Variants in SLC4A4 observed in about 807,000 individuals in gnomAD.
SLC4A4 encodes electrogenic sodium bicarbonate cotransporter 1.
SLC4A4 carries 27 observed loss-of-function variants against 111.5 expected under a neutral mutation model. The observed-to-expected ratio is 0.24, with a 90% confidence interval of 0.18 to 0.33. The LOEUF is 0.33. Among genes scored for constraint, SLC4A4 ranks in the 10% least tolerant of loss-of-function variants. SLC4A4 has a pLI of 1.00. For missense variants in SLC4A4, 909 were observed against 1,315.5 expected (o/e 0.69, Z 4.78); for synonymous variants, 443 against 463.4 (o/e 0.96, Z 0.57).
chr4:71,073,465 C>T (rs1578452585), intron 1 of SLC4A4, among the ~76,000 whole-genome samples: 2 of 152,100 alleles, frequency 1.3e-5, no homozygotes, highest in Admixed American at 6.5e-5. Flanking sequence ...GCAAGGGTGC[C>T]TCATATGTTT....
chr4:71,155,591 T>C (rs1744435395), intron 2 of SLC4A4, among the ~76,000 whole-genome samples: 1 of 152,092 alleles, frequency 6.6e-6, no homozygotes, highest in African/African-American at 2.4e-5. Context: ...GCTTCCTGAG[T>C]AGCTGGGACT....
chr4:71,348,563 G>A (rs541587547), intron 4 of SLC4A4, among the ~76,000 whole-genome samples: 37 of 152,258 alleles, frequency 2.4e-4, no homozygotes, highest in Non-Finnish European at 4.7e-4. Context: ...TTGATACAAG[G>A]TTACCACTAA....
chr4:71,239,709 A>C (rs758526945), intron 2 of SLC4A4, among the ~76,000 whole-genome samples: 4 of 152,172 alleles, frequency 2.6e-5, no homozygotes, highest in Non-Finnish European at 5.9e-5. Context: ...AATTTTCTTC[A>C]TGTGTTAATG....
At chr4:71,456,830 G>A (rs1726316536) in intron 12 of SLC4A4, among the ~76,000 whole-genome samples, 1 of 152,120 alleles carries the variant, frequency 6.6e-6, no homozygotes, top group African/African-American at 2.4e-5. Context: ...AAGTCCTCTG[G>A]CTTCACTTGC....
intron 8 of SLC4A4, among the ~76,000 whole-genome samples, chr4:71,443,974 T>A (rs1725002252): frequency 6.6e-6 from 1 of 152,188 alleles, no homozygotes; most frequent in African/African-American, 2.4e-5. Flanking sequence ...GGGTTTGTGG[T>A]CCTCATGAAT....
At chr4:71,391,723 A>C (rs567645543) in intron 6 of SLC4A4, among the ~76,000 whole-genome samples, 8 of 151,810 alleles carry the variant, frequency 5.3e-5, no homozygotes, top group South Asian at 2.1e-4. Context: ...TTCTGCTTTT[A>C]TTTTCTTTTT....
At chr4:71,518,401 C>G (rs1732609462) in intron 16 of SLC4A4, among the ~76,000 whole-genome samples, 1 of 152,180 alleles carries the variant, frequency 6.6e-6, no homozygotes, top group South Asian at 2.1e-4. Context: ...CTGGGCAAGC[C>G]TGGAGCCTAT....
intron 1 of SLC4A4, among the ~76,000 whole-genome samples, chr4:71,191,827 T>C (rs533953601): frequency 6.6e-6 from 1 of 152,336 alleles, no homozygotes; most frequent in South Asian, 2.1e-4. Flanking sequence ...CCAACTGATA[T>C]TTTGGAGTTT....
intron 16 of SLC4A4, among the ~76,000 whole-genome samples, chr4:71,498,345 T>C (rs1179468041): frequency 1.3e-5 from 2 of 152,168 alleles, no homozygotes; most frequent in African/African-American, 2.4e-5. Flanking sequence ...ATTTAGTTAA[T>C]GGCATTTTGG....
intron 7 of SLC4A4, among the ~76,000 whole-genome samples, chr4:71,439,199 CG>C (rs913683626): frequency 8.6e-5 from 13 of 151,472 alleles, no homozygotes; most frequent in African/African-American, 3.1e-4. Flanking sequence ...GAGGCTGAGG[CG>C]GGTGGATCCC....
intron 1 of SLC4A4, among the ~76,000 whole-genome samples, chr4:71,221,670 G>A (rs964829581): frequency 3.3e-5 from 5 of 152,152 alleles, no homozygotes; most frequent in African/African-American, 7.2e-5. Context: ...TTAGGTAGGC[G>A]AGGTTTCAAG....
At chr4:71,167,572 A>C (rs779277179) in intron 2 of SLC4A4, among the ~76,000 whole-genome samples, 62 of 152,326 alleles carry the variant, frequency 4.1e-4, no homozygotes, top group Middle Eastern at 6.8e-3. Context: ...AAGTGAGTAT[A>C]CAATCAGGAG....
chr4:71,333,779 C>T (rs1437222710), intron 3 of SLC4A4, among the ~76,000 whole-genome samples: 4 of 152,144 alleles, frequency 2.6e-5, no homozygotes, highest in African/African-American at 7.2e-5. Flanking sequence ...TTTCCTGATG[C>T]AGAAGGAGCC....
chr4:71,411,789 G>A (rs747998094), intron 7 of SLC4A4, among the ~76,000 whole-genome samples: 63 of 152,238 alleles, frequency 4.1e-4, no homozygotes, highest in Admixed American at 1.1e-3. Flanking sequence ...TATATGCTAC[G>A]TTTTATTTTC....
chr4:71,477,781 C>G (rs1269506627), intron 14 of SLC4A4, among the ~76,000 whole-genome samples: 11 of 151,770 alleles, frequency 7.2e-5, no homozygotes, highest in Admixed American at 6.6e-4. Flanking sequence ...TCCTTTTTTA[C>G]TTCTCATTCA....
chr4:71,409,209 C>T (rs1721141526), intron 7 of SLC4A4, among the ~76,000 whole-genome samples: 1 of 151,992 alleles, frequency 6.6e-6, no homozygotes, highest in African/African-American at 2.4e-5. Context: ...GAAAAAATAC[C>T]CAAAAATGTG....
rs960495197 is a variant in SLC4A4, at chr4:71,431,196, T to C, written c.808-9420T>C. Reference sequence around the variant, plus strand: ...TAAAAAGGCAACATTCTAATAAAAATGAATAAAAATGATAAGGAAAACAGT... The same window carrying C: ...TAAAAAGGCAACATTCTAATAAAAACGAATAAAAATGATAAGGAAAACAGT... On this transcript the variant is annotated intron_variant, in intron 7 of 25. Transcript: ENST00000264485. Among the ~76,000 whole-genome samples the C allele has an allele frequency of 4.7e-5, 6 of 127,174 alleles. No individual in the cohort carries two copies. The Admixed American group carries it at 4.7e-4, about 10-fold the overall frequency. 83.4% of individuals were successfully genotyped at this position (127,174 alleles called of 152,430 possible).
chr4:71,168,259 GTAA>G (rs1707287141), intron 2 of SLC4A4, among the ~76,000 whole-genome samples: 1 of 140,120 alleles, frequency 7.1e-6, no homozygotes, highest in Non-Finnish European at 1.5e-5. Flanking sequence ...TCGGTTCACC[GTAA>G]CCTCCGCGTC....
At chr4:71,223,024 A>G (rs1456081168) in intron 1 of SLC4A4, among the ~76,000 whole-genome samples, 1 of 152,188 alleles carries the variant, frequency 6.6e-6, no homozygotes, top group East Asian at 1.9e-4. Flanking sequence ...GGGAATTTGC[A>G]AAATGGGCCT....
Sources: allele counts gnomAD v4.1 joint callset (sites outside exome capture counted in the v4.1 genomes callset), GRCh38; gene constraint gnomAD v4.1.1; transcripts MANE v1.5; gene names NCBI Gene and HGNC (gene_info 2026-07-23, HGNC 2026-07-21).